The following SLC35F4 variants were observed in gnomAD, a reference collection of about 807,000 sequenced individuals.
SLC35F4 encodes the protein solute carrier family 35 member F4.
A neutral mutation model predicts 44.2 loss-of-function variants in SLC35F4; 24 were observed. The observed-to-expected ratio is 0.54, with a 90% CI of 0.39 to 0.76. The LOEUF is 0.76. Ranked by LOEUF, SLC35F4 falls within the 30% of genes least tolerant of loss-of-function variation. SLC35F4 has a pLI of 0.00. For missense variants in SLC35F4, 562 were observed against 586.1 expected, an observed-to-expected ratio of 0.96 and a Z score of 0.42; for synonymous variants, 238 against 223.6, an observed-to-expected ratio of 1.06 and a Z score of -0.57.
At chr14:57,718,259 G>A (rs1189261256) in intron 1 of SLC35F4, among the ~76,000 whole-genome samples, 1 of 152,136 alleles carries the variant, frequency 6.6e-6, no homozygotes, top group African/African-American at 2.4e-5. Context: ...TGGACATGTA[G>A]GTTACTTCCA....
At chr14:57,671,286 AC>A in intron 1 of SLC35F4, among the ~76,000 whole-genome samples, 1 of 151,440 alleles carries the variant, frequency 6.6e-6, no homozygotes, top group Non-Finnish European at 1.5e-5. Context: ...TGCTGGCATC[AC>A]CCCTCCCTTA....
At chr14:57,570,901 G>C (rs1404182901) in intron 5 of SLC35F4, among the ~76,000 whole-genome samples, 1 of 152,010 alleles carries the variant, frequency 6.6e-6, no homozygotes. Flanking sequence ...GGTAGTCTTT[G>C]GTCACATCAG....
In SLC35F4 at chr14:57,859,672, C is replaced by T. The variant is rs867561402; in HGVS notation, c.103+6051G>A. Among the ~76,000 whole-genome samples the T allele has an allele frequency of 3.3e-5, 5 of 151,904 alleles. No individual in the cohort carries two copies. In the East Asian group the frequency reaches 5.8e-4, roughly 18 times the overall value. On this transcript the variant is annotated intron_variant, in intron 1 of 7. Transcript: ENST00000556826. ...TAGGGAAGTAAATATTTTTAAGGTG[C>T]GTATGCTGGATTGGAAGGACTTGAG...
At chr14:57,823,192 T>G (rs1883360239) in intron 1 of SLC35F4, among the ~76,000 whole-genome samples, 1 of 152,094 alleles carries the variant, frequency 6.6e-6, no homozygotes, top group Admixed American at 6.6e-5. Context: ...GGCATCATTC[T>G]CTTGGATTGT....
chr14:57,701,311 A>G (rs1329481748), intron 1 of SLC35F4, among the ~76,000 whole-genome samples: 3 of 152,184 alleles, frequency 2.0e-5, no homozygotes, highest in African/African-American at 4.8e-5. Context: ...ATCTCCTATG[A>G]TAACAATGCC....
chr14:57,622,010 C>A (rs2072208008), intron 1 of SLC35F4, among the ~76,000 whole-genome samples: 1 of 151,108 alleles, frequency 6.6e-6, no homozygotes, highest in African/African-American at 2.4e-5. Context: ...GGGCGAACGA[C>A]ATGAACAGAC....
intron 1 of SLC35F4, among the ~76,000 whole-genome samples, chr14:57,795,241 G>C (rs79782516): frequency 2.0e-5 from 3 of 152,094 alleles, no homozygotes; most frequent in Admixed American, 6.6e-5. Context: ...GGTTTGGATC[G>C]ATGGAAAAAT....
intron 1 of SLC35F4, among the ~76,000 whole-genome samples, chr14:57,728,760 G>A (rs1277053739): frequency 6.6e-6 from 1 of 151,950 alleles, no homozygotes; most frequent in African/African-American, 2.4e-5. Flanking sequence ...ACCACACCTG[G>A]CCCCTTCCAT....
intron 3 of SLC35F4, among the ~76,000 whole-genome samples, chr14:57,582,859 C>T (rs1038221758): frequency 1.3e-5 from 2 of 152,090 alleles, no homozygotes; most frequent in African/African-American, 4.8e-5. Flanking sequence ...AAAAGGACCA[C>T]GTGGAGAGGA....
chr14:57,852,210 G>C (rs749251675), intron 1 of SLC35F4, among the ~76,000 whole-genome samples: 1 of 152,160 alleles, frequency 6.6e-6, no homozygotes, highest in Non-Finnish European at 1.5e-5. Flanking sequence ...AAGCTGGAAA[G>C]GGCTCTCAGA....
At chr14:57,674,669 G>C (rs2074630972) in intron 1 of SLC35F4, among the ~76,000 whole-genome samples, 1 of 152,106 alleles carries the variant, frequency 6.6e-6, no homozygotes, top group Non-Finnish European at 1.5e-5. Flanking sequence ...TAAACAGTTA[G>C]TCTGCCACCT....
At chr14:57,945,508 T>A (rs1890010973) in intron 1 of SLC35F4, among the ~76,000 whole-genome samples, 1 of 125,546 alleles carries the variant, frequency 8.0e-6, no homozygotes, top group South Asian at 2.5e-4. Context: ...ATTTTCTTTA[T>A]CCACTCATTG....
intron 3 of SLC35F4, among the ~76,000 whole-genome samples, chr14:57,583,495 T>G (rs1437543048): frequency 2.0e-5 from 3 of 152,166 alleles, no homozygotes; most frequent in African/African-American, 7.2e-5. Flanking sequence ...GGAGGAGTGC[T>G]CCTAAGCAAA....
At chr14:57,577,756 A>C (rs1362060767) in intron 4 of SLC35F4, among the ~76,000 whole-genome samples, 1 of 152,112 alleles carries the variant, frequency 6.6e-6, no homozygotes, top group Non-Finnish European at 1.5e-5. Flanking sequence ...GAGACAGGAG[A>C]ACACCTATTT....
At chr14:57,865,425 G>A (rs1351358388) in intron 1 of SLC35F4, among the ~76,000 whole-genome samples, 2 of 152,178 alleles carry the variant, frequency 1.3e-5, no homozygotes. Flanking sequence ...GGGTGAGCCG[G>A]CCAACGGCGG....
intron 1 of SLC35F4, among the ~76,000 whole-genome samples, chr14:57,775,770 G>A (rs564781322): frequency 3.9e-5 from 6 of 152,292 alleles, no homozygotes; most frequent in Admixed American, 1.3e-4. Context: ...GATTGCACTC[G>A]TTCTTCAGCA....
chr14:57,911,840 T>C (rs1889221005), intron 1 of SLC35F4, among the ~76,000 whole-genome samples: 1 of 152,030 alleles, frequency 6.6e-6, no homozygotes, highest in Non-Finnish European at 1.5e-5. Context: ...CTGAAATAGA[T>C]TGTAGATAAT....
At position 57,827,127 on chromosome 14, in the gene SLC35F4, G is replaced by T. The variant is rs571571875; in HGVS notation, c.103+38596C>A. ...TCAACCCAAATGCCCATCAATAATA[G>T]ACTGGATAAAGAAAATGTGGTATAT... On this transcript the variant is annotated intron_variant, in intron 1 of 7. Transcript: ENST00000556826. 1.4e-4 allele frequency among the ~76,000 whole-genome samples: 22 copies of T among 152,210 alleles called. No homozygotes were observed. In the South Asian group the frequency reaches 4.3e-3, roughly 30 times the overall value.
chr14:57,590,226 C>CAAAAAAAAA (rs55850524), intron 2 of SLC35F4, among the ~76,000 whole-genome samples: 5 of 119,180 alleles, frequency 4.2e-5, no homozygotes, highest in South Asian at 3.0e-4. Context: ...CTTGTCTATG[C>CAAAAAAAAA]AAAAAAAAAA....
Sources: allele counts gnomAD v4.1 joint callset (sites outside exome capture counted in the v4.1 genomes callset), GRCh38; gene constraint gnomAD v4.1.1; transcripts MANE v1.5; gene names NCBI Gene and HGNC (gene_info 2026-07-23, HGNC 2026-07-21).